The following ANXA8 variants were observed in gnomAD, a reference collection of about 807,000 sequenced individuals.
ANXA8 encodes the protein annexin A8, also known as VAC-beta.
A neutral mutation model predicts 26.8 loss-of-function variants in ANXA8; 9 were observed. That is an observed-to-expected ratio of 0.34 (90% CI 0.20 to 0.59). The LOEUF (loss-of-function observed/expected upper bound fraction) is 0.59, where lower values mean the gene tolerates loss of function less well. Among genes scored for constraint, ANXA8 ranks in the 20% least tolerant of loss-of-function variants. ANXA8 has a pLI of 0.84. For synonymous variants in ANXA8, 39 were observed against 94.8 expected, an observed-to-expected ratio of 0.41 and a Z score of 3.42; for missense variants, 83 against 238.5, an observed-to-expected ratio of 0.35 and a Z score of 4.29.
the ANXA8 span, among the ~76,000 whole-genome samples, chr10:47,672,464 T>A: frequency 1.7e-3 from 255 of 151,728 alleles, 2 homozygotes; most frequent in African/African-American, 5.9e-3. Context: ...ACAATAACTT[T>A]CTGTTTAGTT....
the ANXA8 span, among the ~76,000 whole-genome samples, chr10:47,935,637 AAATTTT>A: frequency 1.4e-5 from 2 of 140,234 alleles, no homozygotes; most frequent in African/African-American, 2.6e-5. Flanking sequence ...GAAATGAAAT[AAATTTT>A]AATTTTAATT....
the ANXA8 span, among the ~76,000 whole-genome samples, chr10:47,940,229 G>A: frequency 3.1e-3 from 456 of 145,786 alleles, no homozygotes; most frequent in African/African-American, 0.011. Context: ...CTGTAACCCC[G>A]GCAAACAAAG....
At chr10:47,755,555 C>CAT in the ANXA8 span, among the ~76,000 whole-genome samples, 2 of 83,002 alleles carry the variant, frequency 2.4e-5, no homozygotes, top group Non-Finnish European at 4.5e-5. Flanking sequence ...GTGCCCGGCC[C>CAT]TTTTTTTTTT....
the ANXA8 span, among the ~76,000 whole-genome samples, chr10:47,688,361 C>T: frequency 2.0e-5 from 3 of 149,318 alleles, no homozygotes; most frequent in Admixed American, 6.7e-5. Flanking sequence ...GTGATCCTCC[C>T]ACCTCGGCCT....
chr10:47,535,627 T>A, the ANXA8 span, among the ~76,000 whole-genome samples: 22,999 of 141,006 alleles, frequency 0.16, 2,337 homozygotes, highest in East Asian at 0.5. Context: ...AATTATAGCA[T>A]TAGACAATGT....
the ANXA8 span, among the ~76,000 whole-genome samples, chr10:47,590,494 C>T: frequency 6.8e-6 from 1 of 146,626 alleles, no homozygotes; most frequent in East Asian, 1.9e-4. Flanking sequence ...GATTTCATTT[C>T]TTATAATCTC....
the ANXA8 span, among the ~76,000 whole-genome samples, chr10:47,551,450 A>G: frequency 5.3e-5 from 8 of 151,734 alleles, no homozygotes; most frequent in South Asian, 1.5e-3. Context: ...TTTGTAAAAC[A>G]TATCCAGAGG....
chr10:47,705,680 C>T, the ANXA8 span, among the ~76,000 whole-genome samples: 1 of 151,586 alleles, frequency 6.6e-6, no homozygotes, highest in Non-Finnish European at 1.5e-5. Flanking sequence ...TTTACACATA[C>T]ACAGGAATTT....
chr10:47,702,416 CT>C, the ANXA8 span, among the ~76,000 whole-genome samples: 1 of 150,796 alleles, frequency 6.6e-6, no homozygotes, highest in African/African-American at 2.4e-5. Flanking sequence ...TCTTGGCTCA[CT>C]GCAACCTCTG....
the ANXA8 span, among the ~76,000 whole-genome samples, chr10:47,583,996 C>CT: frequency 8.5e-6 from 1 of 117,046 alleles, no homozygotes; most frequent in Non-Finnish European, 1.7e-5. Flanking sequence ...GGTGGGCACC[C>CT]TGGCGAAACC....
chr10:47,565,350 C>T, the ANXA8 span: 1 of 516,650 alleles, frequency 1.9e-6, no homozygotes, highest in Non-Finnish European at 3.4e-6. Flanking sequence ...CCCCCCACGG[C>T]CACCAGCACG....
At chr10:47,985,816 T>A in the ANXA8 span, 10 of 150,874 alleles carry the variant, frequency 6.6e-5, no homozygotes, top group African/African-American at 2.4e-4. Context: ...CAGATTCATT[T>A]TCATATAAAT....
At chr10:47,667,481 G>T in the ANXA8 span, among the ~76,000 whole-genome samples, 1 of 151,718 alleles carries the variant, frequency 6.6e-6, no homozygotes, top group Non-Finnish European at 1.5e-5. Context: ...ATTATGCTCT[G>T]CACTCAGTGT....
the ANXA8 span, among the ~76,000 whole-genome samples, chr10:47,713,292 ATGTG>A: frequency 1.1e-5 from 1 of 92,186 alleles, no homozygotes. Context: ...CTAGCTAACA[ATGTG>A]AGAAAAAATA....
chr10:47,955,844 C>A, the ANXA8 span, among the ~76,000 whole-genome samples: 2 of 142,878 alleles, frequency 1.4e-5, no homozygotes, highest in Admixed American at 1.4e-4. Context: ...TTTATGTTAT[C>A]AACTTTATTT....
the ANXA8 span, among the ~76,000 whole-genome samples, chr10:47,721,494 T>C: frequency 2.1e-5 from 3 of 140,716 alleles, no homozygotes; most frequent in African/African-American, 7.7e-5. Context: ...ATGGTCATGT[T>C]AAGGCAAGAA....
At chr10:47,734,958 G>A in the ANXA8 span, among the ~76,000 whole-genome samples, 1 of 123,444 alleles carries the variant, frequency 8.1e-6, no homozygotes, top group Non-Finnish European at 1.6e-5. Flanking sequence ...GGTGGAGCTT[G>A]CAGTGAGCTG....
chr10:47,617,686 AG>A, the ANXA8 span, among the ~76,000 whole-genome samples: 213 of 148,934 alleles, frequency 1.4e-3, 5 homozygotes, highest in African/African-American at 5.2e-3. Flanking sequence ...AAACCCATTA[AG>A]ATCTTCACTG....
chr10:47,978,162 A>G, the ANXA8 span, among the ~76,000 whole-genome samples: 1 of 152,122 alleles, frequency 6.6e-6, no homozygotes, highest in Non-Finnish European at 1.5e-5. Flanking sequence ...ATGGGATAAC[A>G]TATTAAAAGT....
Sources: gnomAD v4.1 joint callset for allele counts (sites outside exome capture counted in the v4.1 genomes callset) on GRCh38, gnomAD v4.1.1 for gene constraint, MANE v1.5 for transcripts, NCBI Gene and HGNC (gene_info 2026-07-23, HGNC 2026-07-21) for gene names.